DNAH8: variants seen among roughly 807,000 people sequenced by gnomAD.
DNAH8 encodes the protein axonemal beta dynein heavy chain 8.
A neutral mutation model predicts 562.1 loss-of-function variants in DNAH8; 382 were observed. The observed-to-expected ratio is 0.68, with a 90% confidence interval of 0.63 to 0.74. DNAH8 has a LOEUF of 0.74. Among genes scored for constraint, DNAH8 ranks in the 30% least tolerant of loss-of-function variants. The pLI is 0.00. For missense variants in DNAH8, 5,203 were observed against 5,620.4 expected (o/e 0.93, Z 2.37); for synonymous variants, 1,881 against 1,919.4 (o/e 0.98, Z 0.52).
intron 62 of DNAH8, among the ~76,000 whole-genome samples, chr6:38,903,612 C>CTTTTTTT (rs756414599): frequency 7.7e-6 from 1 of 129,444 alleles, no homozygotes; most frequent in Non-Finnish European, 1.6e-5. Flanking sequence ...TTCTTTCTTC[C>CTTTTTTT]TTTTTTTTTT....
In DNAH8 at chr6:38,848,649, T is replaced by C. The variant is rs748824075; in HGVS notation, c.5047T>C (p.Tyr1683His). 3 of 1,608,382 alleles carry C rather than the reference T, an allele frequency of 1.9e-6. No homozygotes were observed. In the South Asian group the frequency reaches 3.3e-5, roughly 18 times the overall value. ...ATTTTTTCCGTTCTTACCTTTTAGATACAATGCTCCATTTAAAAAAAATAT... is the reference window on the plus strand; with the variant it reads ...ATTTTTTCCGTTCTTACCTTTTAGACACAATGCTCCATTTAAAAAAAATAT... ...MVLGSLLSNRYNAPFKKNIQN... is the reference protein window; with the variant it reads ...MVLGSLLSNRHNAPFKKNIQN... Residue 1683 changes from tyrosine (Y) to histidine (H), a missense_variant and splice_region_variant, in exon 37 of 93, where the codon TAC becomes CAC. Physicochemically the swap from Tyr to His is moderately conservative, Grantham distance 83 (BLOSUM62 2). Coordinates refer to ENST00000327475, the MANE Select transcript of DNAH8 (RefSeq NM_001206927.2).
intron 13 of DNAH8, among the ~76,000 whole-genome samples, chr6:38,776,946 C>T (rs895926310): frequency 3.9e-5 from 6 of 152,176 alleles, no homozygotes; most frequent in African/African-American, 1.4e-4. Context: ...ACTTTGTACA[C>T]TTTTTAAGTC....
At chr6:38,852,866 T>C in intron 40 of DNAH8, 68 bp downstream of exon 40, 4 of 1,241,282 alleles carry the variant, frequency 3.2e-6, no homozygotes, top group Non-Finnish European at 1.2e-6. Context: ...GAGAATACAG[T>C]TCTCTTACAG....
chr6:38,862,568 G>A (rs1776717860), intron 44 of DNAH8, 110 bp downstream of exon 44: 1 of 1,286,080 alleles, frequency 7.8e-7, no homozygotes, highest in Admixed American at 2.4e-5. Flanking sequence ...ATCTACATTA[G>A]TATGGGTTGA....
At chr6:38,990,701 G>C (rs1229815903) in intron 88 of DNAH8, among the ~76,000 whole-genome samples, 1 of 152,124 alleles carries the variant, frequency 6.6e-6, no homozygotes, top group African/African-American at 2.4e-5. Flanking sequence ...TTGAGTACCC[G>C]ACACAGATGC....
intron 49 of DNAH8, among the ~76,000 whole-genome samples, chr6:38,871,248 T>A (rs1436758563): frequency 6.6e-6 from 1 of 152,232 alleles, no homozygotes; most frequent in Non-Finnish European, 1.5e-5. Flanking sequence ...TTTAACTTAC[T>A]GTTCTTGCCA....
Position 39,008,849 on chromosome 6 carries a change from C to G in DNAH8, c.13250C>G (p.Thr4417Arg). The G allele has an allele frequency of 6.2e-7, 1 of 1,608,000 alleles. No individual in the cohort carries two copies. Among genetic ancestry groups the G allele is most frequent in the African/African-American group, 1.3e-5 (1 of 74,844 alleles). Reference sequence around the variant, plus strand: ...AACACTGCTTCTGCTGTTCTTGAAACAATTACCAACATTCAACCCAAAGAG... The same window carrying G: ...AACACTGCTTCTGCTGTTCTTGAAAGAATTACCAACATTCAACCCAAAGAG... ...QSNTASAVLE[T>R]ITNIQPKESG... The change falls in exon 89 of 93, where the codon ACA becomes AGA. Residue 4417 changes from threonine (T) to arginine (R), a missense_variant. Physicochemically the swap from Thr to Arg is moderately conservative, Grantham distance 71. Transcript: ENST00000327475.
chr6:38,982,196 A>G, intron 85 of DNAH8, 150 bp from the exon 86 acceptor site: 1 of 603,550 alleles, frequency 1.7e-6, no homozygotes, highest in Non-Finnish European at 3.0e-6. Context: ...TCATTAAGCG[A>G]CATGAATGTA....
chr6:38,793,954 ATGC>A (rs1412183055), intron 21 of DNAH8, among the ~76,000 whole-genome samples: 1 of 152,176 alleles, frequency 6.6e-6, no homozygotes, highest in Non-Finnish European at 1.5e-5. Flanking sequence ...ATTTGTGGGA[ATGC>A]TGGACAGCCT....
At chr6:38,804,126 G>A (rs187094858) in intron 22 of DNAH8, among the ~76,000 whole-genome samples, 1 of 152,252 alleles carries the variant, frequency 6.6e-6, no homozygotes, top group East Asian at 1.9e-4. Context: ...TGAATTTCCT[G>A]TTATCTCAAT....
At chr6:38,759,082 C>T (rs905517797) in intron 10 of DNAH8, among the ~76,000 whole-genome samples, 8 of 151,928 alleles carry the variant, frequency 5.3e-5, no homozygotes, top group East Asian at 3.9e-4. Context: ...GTGGGAGGAT[C>T]GCTGGAGCTC....
chr6:38,911,023 G>A (rs1262987129), intron 65 of DNAH8, among the ~76,000 whole-genome samples: 1 of 152,190 alleles, frequency 6.6e-6, no homozygotes, highest in Non-Finnish European at 1.5e-5. Context: ...CACCCAGCTG[G>A]TATCCAGCAG....
chr6:38,723,572 C>A (rs1464166339), intron 3 of DNAH8, 101 bp downstream of exon 3: 2 of 1,423,496 alleles, frequency 1.4e-6, no homozygotes, highest in African/African-American at 1.4e-5. Context: ...CAACAAAAAT[C>A]ATTCAGAAAG....
intron 39 of DNAH8, among the ~76,000 whole-genome samples, chr6:38,852,244 A>G (rs539470061): frequency 1.3e-5 from 2 of 152,192 alleles, no homozygotes; most frequent in Non-Finnish European, 1.5e-5. Context: ...CCCAGGGCCA[A>G]TTCTGGTCTG....
chr6:38,862,378 G>A lies in DNAH8; in HGVS notation c.6230G>A (p.Gly2077Glu), dbSNP rs989332520. Residue 2077 changes from glycine (G) to glutamate (E), a missense_variant, in exon 44 of 93, where the codon GGA becomes GAA. Physicochemically the swap from Gly to Glu is moderately conservative, Grantham distance 98. Coordinates refer to ENST00000327475, the MANE Select transcript of DNAH8 (RefSeq NM_001206927.2). ...AAAACAGAAACCACAAAAGACATGG[G>A]AAGGTGTTTGGGAAAATATGTGGTC... is the stretch of plus-strand genomic sequence containing the variant. Reference protein sequence around the residue: ...TGKTETTKDMGRCLGKYVVVF... With the variant: ...TGKTETTKDMERCLGKYVVVF... 2 of 1,614,096 alleles carry A rather than the reference G, an allele frequency of 1.2e-6. No individual in the cohort carries two copies. The highest frequency in any genetic ancestry group is 2.7e-5 in the African/African-American group (2 of 74,948).
At chr6:38,866,471 T>A in intron 45 of DNAH8, 120 bp from the exon 46 acceptor site, 1 of 682,762 alleles carries the variant, frequency 1.5e-6, no homozygotes, top group Non-Finnish European at 2.4e-6. Context: ...ACAAGAGTAT[T>A]TTATGAATCT....
At chr6:38,826,447 T>C in intron 29 of DNAH8, 56 bp downstream of exon 29, 2 of 1,079,190 alleles carry the variant, frequency 1.9e-6, no homozygotes, top group Non-Finnish European at 2.8e-6. Flanking sequence ...TTTAAAGAAA[T>C]AGAGACACAC....
At chr6:38,737,379 AG>A (rs1764181734) in intron 6 of DNAH8, 123 bp downstream of exon 6, 1 of 517,412 alleles carries the variant, frequency 1.9e-6, no homozygotes, top group Non-Finnish European at 3.0e-6. Flanking sequence ...TGAGACTTAG[AG>A]GCAAGAAATG....
intron 58 of DNAH8, among the ~76,000 whole-genome samples, chr6:38,893,720 G>A (rs1779493669): frequency 6.6e-6 from 1 of 152,064 alleles, no homozygotes; most frequent in South Asian, 2.1e-4. Context: ...CTGTGAATTA[G>A]CCTGTAAAAA....
Sources: allele counts gnomAD v4.1 joint callset (sites outside exome capture counted in the v4.1 genomes callset), GRCh38; gene constraint gnomAD v4.1.1; transcripts MANE v1.5; gene names NCBI Gene and HGNC (gene_info 2026-07-23, HGNC 2026-07-21).